PCYT1A: variants seen among roughly 807,000 people sequenced by gnomAD.
PCYT1A encodes the protein choline-phosphate cytidylyltransferase A.
In PCYT1A, 25 loss-of-function variants were observed where a neutral mutation model predicts 43.7. The ratio of observed to expected loss-of-function variants is 0.57; its 90% confidence interval spans 0.42 to 0.80. The LOEUF is 0.80. Among genes scored for constraint, PCYT1A ranks in the 30% least tolerant of loss-of-function variants. The pLI is 0.00. For synonymous variants in PCYT1A, 172 were observed against 170.7 expected, an observed-to-expected ratio of 1.01 and a Z score of -0.06; for missense variants, 421 against 474.2, an observed-to-expected ratio of 0.89 and a Z score of 1.04.
rs977169497 is a variant in PCYT1A, at chr3:196,237,063, G to C, written c.*1625C>G. The C allele has an allele frequency of 1.1e-4, 17 of 152,202 alleles. No individual in the cohort carries two copies. The highest frequency in any genetic ancestry group is 3.9e-4 in the African/African-American group (16 of 41,420). 9.4% of individuals were successfully genotyped at this position (152,202 alleles called of 1,614,324 possible). A position where few individuals can be genotyped will look rare whatever the true frequency, so the allele number is the denominator to read the frequency against. On this transcript the variant is annotated 3_prime_UTR_variant, in exon 9 of 9. Transcript: ENST00000431016. Reference sequence around the variant, plus strand: ...GCGGAAAACTAGGTGTTACCAGAAAGTGTTTAGGGAGTGGACTATGAGATG... The same window carrying C: ...GCGGAAAACTAGGTGTTACCAGAAACTGTTTAGGGAGTGGACTATGAGATG...
chr3:196,242,128 T>A lies in PCYT1A; in HGVS notation c.566-38A>T. The A allele has an allele frequency of 6.2e-7, 1 of 1,607,410 alleles. No homozygotes were observed. Among genetic ancestry groups the A allele is most frequent in the South Asian group, 1.1e-5 (1 of 90,948 alleles). On this transcript the variant is annotated intron_variant, in intron 6 of 8. Transcript: ENST00000431016. The surrounding 1 kb of genome is among the most constrained non-coding windows in gnomAD (Gnocchi z 4.2). ...CACATACAGACAAACACTGTGAGGT[T>A]CTGGTTAGCTCAGGTATTAAGACTA...
At chr3:196,270,656 G>A in intron 1 of PCYT1A, 115 bp from the exon 2 acceptor site, 1 of 771,072 alleles carries the variant, frequency 1.3e-6, no homozygotes, top group Non-Finnish European at 2.3e-6. Flanking sequence ...TTCTACAGCT[G>A]CACTTCACCA....
intron 3 of PCYT1A, among the ~76,000 whole-genome samples, chr3:196,253,125 G>A (rs561041222): frequency 6.6e-6 from 1 of 152,088 alleles, no homozygotes; most frequent in Admixed American, 6.6e-5. Flanking sequence ...ATCACCTGAG[G>A]TCAGCAGTTG....
At chr3:196,257,971 G>A in intron 2 of PCYT1A, 84 bp from the exon 3 acceptor site, 1 of 770,954 alleles carries the variant, frequency 1.3e-6, no homozygotes, top group Non-Finnish European at 2.2e-6. Context: ...ATGAGAGAAA[G>A]GAGATTGATC....
At chr3:196,281,029 A>G (rs1725754935) in intron 1 of PCYT1A, among the ~76,000 whole-genome samples, 1 of 152,086 alleles carries the variant, frequency 6.6e-6, no homozygotes, top group Admixed American at 6.6e-5. Context: ...TTTCCTTTGC[A>G]CTCTATTCCT....
rs944578487 is a variant in PCYT1A at position 196,234,831 on chromosome 3, C to T, written c.*3857G>A. 1.3e-5 allele frequency: 2 copies of T among 152,168 alleles called. No homozygotes were observed. Among genetic ancestry groups the T allele is most frequent in the Non-Finnish European group, 2.9e-5 (2 of 68,018 alleles). The allele number at this position is 152,168 out of a possible 1,614,324, so 9.4% of individuals were successfully genotyped here. A position where few individuals can be genotyped will look rare whatever the true frequency, so the allele number is the denominator to read the frequency against. ...ACTTATTTACTTGGAAAAATAGAAGCTAGGGACCACTCTTTATCCGATGGC... is the reference window on the plus strand; with the variant it reads ...ACTTATTTACTTGGAAAAATAGAAGTTAGGGACCACTCTTTATCCGATGGC... On this transcript the variant is annotated 3_prime_UTR_variant, in exon 9 of 9. Coordinates refer to ENST00000431016, the MANE Select transcript of PCYT1A (RefSeq NM_001312673.2).
In PCYT1A at chr3:196,268,255, T is replaced by A. The variant is rs1433562354; in HGVS notation, c.117+2160A>T. ...GTGATTGGCTGATTAGCTGACAGTATCACCTATTTGGTTATAACTTGTTCC... is the reference window on the plus strand; with the variant it reads ...GTGATTGGCTGATTAGCTGACAGTAACACCTATTTGGTTATAACTTGTTCC... On this transcript the variant is annotated intron_variant, in intron 2 of 8. Coordinates refer to ENST00000431016, the MANE Select transcript of PCYT1A (RefSeq NM_001312673.2). The surrounding 1 kb of genome is among the most constrained non-coding windows in gnomAD (Gnocchi z 4.4). Among the ~76,000 whole-genome samples, 1 of 152,204 alleles carries A rather than the reference T, an allele frequency of 6.6e-6. No homozygotes were observed. Among genetic ancestry groups the A allele is most frequent in the Non-Finnish European group, 1.5e-5 (1 of 68,034 alleles).
At chr3:196,253,384 A>G (rs1021146532) in intron 3 of PCYT1A, among the ~76,000 whole-genome samples, 2 of 151,678 alleles carry the variant, frequency 1.3e-5, no homozygotes, top group Non-Finnish European at 2.9e-5. Flanking sequence ...CCATGAAGTA[A>G]CTAACATAGT....
rs1027235545 is a variant in PCYT1A, at chr3:196,282,185, TG to T, written c.-11+5429del. Among the ~76,000 whole-genome samples, 2 of 152,236 alleles carry T rather than the reference TG, an allele frequency of 1.3e-5. No individual in the cohort carries two copies. Among genetic ancestry groups the T allele is most frequent in the African/African-American group, 4.8e-5 (2 of 41,460 alleles). On this transcript the variant is annotated intron_variant, in intron 1 of 8. Transcript: ENST00000431016. The surrounding 1 kb of genome is among the most constrained non-coding windows in gnomAD (Gnocchi z 4.3). ...AACAAACACTGAGCGGCACTTACTCTGTGCCAGACCCTGGGTTAGCCACTGG... is the reference window on the plus strand; with the variant it reads ...AACAAACACTGAGCGGCACTTACTCTTGCCAGACCCTGGGTTAGCCACTGG...
intron 2 of PCYT1A, 51 bp from the exon 3 acceptor site, chr3:196,257,938 C>T (rs1421461797): frequency 8.0e-6 from 8 of 996,656 alleles, no homozygotes; most frequent in African/African-American, 1.6e-5. Flanking sequence ...ATGGCATACA[C>T]TGTAATACTA....
chr3:196,247,466 C>G lies in PCYT1A; in HGVS notation c.387G>C (p.Glu129Asp). 6.2e-7 allele frequency: 1 copy of G among 1,614,218 alleles called. No homozygotes were observed. The highest frequency in any genetic ancestry group is 1.6e-4 in the Middle Eastern group (1 of 6,062). ...GCTGGACTGCGTCATAGCGCTCATT[C>G]TCGTTCATCACCGTGAAGCCTTTGA... ...HNFKGFTVMN[E>D]NERYDAVQHC... is the part of the protein sequence containing the mutation. The change falls in exon 5 of 9, where the codon GAG becomes GAC. Residue 129 changes from glutamate (E) to aspartate (D), a missense_variant. Coordinates refer to ENST00000431016, the MANE Select transcript of PCYT1A (RefSeq NM_001312673.2). This position sits in a 1 kb window ranked among gnomAD's most constrained non-coding sequence, Gnocchi z 4.8.
chr3:196,258,492 G>A (rs1344843554), intron 2 of PCYT1A, among the ~76,000 whole-genome samples: 1 of 151,762 alleles, frequency 6.6e-6, no homozygotes, highest in Non-Finnish European at 1.5e-5. Flanking sequence ...TTAATTATCA[G>A]TTCTAGTATC....
At chr3:196,275,940 AC>A (rs1725576333) in intron 1 of PCYT1A, among the ~76,000 whole-genome samples, 2 of 151,668 alleles carry the variant, frequency 1.3e-5, no homozygotes, top group African/African-American at 4.8e-5. Context: ...TACTAAAAAT[AC>A]AAAAAATTAG....
At chr3:196,280,565 T>C (rs1161000208) in intron 1 of PCYT1A, among the ~76,000 whole-genome samples, 1 of 131,942 alleles carries the variant, frequency 7.6e-6, no homozygotes, top group African/African-American at 2.9e-5. Context: ...ATTGGTATTT[T>C]TATTGTTTTT....
At chr3:196,266,421 C>T (rs1272834321) in intron 2 of PCYT1A, among the ~76,000 whole-genome samples, 3 of 151,604 alleles carry the variant, frequency 2.0e-5, no homozygotes, top group South Asian at 2.1e-4. Context: ...TGCAGTGAGC[C>T]GAGATCAGGC....
At chr3:196,272,710 C>CCT (rs1725469207) in intron 1 of PCYT1A, among the ~76,000 whole-genome samples, 1 of 152,212 alleles carries the variant, frequency 6.6e-6, no homozygotes, top group Non-Finnish European at 1.5e-5. Flanking sequence ...ATTAAAACCC[C>CCT]CTCAGGGATT....
chr3:196,278,004 C>T (rs572483153), intron 1 of PCYT1A, among the ~76,000 whole-genome samples: 1 of 152,234 alleles, frequency 6.6e-6, no homozygotes, highest in African/African-American at 2.4e-5. Context: ...CCAAAGCATA[C>T]AGAATAATAA....
intron 1 of PCYT1A, among the ~76,000 whole-genome samples, chr3:196,274,437 C>A (rs1451627975): frequency 1.3e-5 from 2 of 152,226 alleles, no homozygotes; most frequent in Admixed American, 6.5e-5. Context: ...GCTTTTCAGC[C>A]CCCTGCAGGG....
Position 196,252,853 on chromosome 3 carries a change from C to A in PCYT1A, c.218-4530G>T, listed in dbSNP as rs559036372. On this transcript the variant is annotated intron_variant, in intron 3 of 8. Coordinates refer to ENST00000431016, the MANE Select transcript of PCYT1A (RefSeq NM_001312673.2). The surrounding 1 kb of genome is among the most constrained non-coding windows in gnomAD (Gnocchi z 4.0). ...GACCAGCCTGGGCAACACAGTGAAACCCTATCTCTATTAAAATTATTTTTT... is the reference window on the plus strand; with the variant it reads ...GACCAGCCTGGGCAACACAGTGAAAACCTATCTCTATTAAAATTATTTTTT... Among the ~76,000 whole-genome samples, 5 of 151,904 alleles carry A rather than the reference C, an allele frequency of 3.3e-5. No homozygotes were observed. The South Asian group carries it at 1.0e-3, about 32-fold the overall frequency.
Sources: allele counts gnomAD v4.1 joint callset (sites outside exome capture counted in the v4.1 genomes callset), GRCh38; gene constraint gnomAD v4.1.1; non-coding constraint Gnocchi (gnomAD v3.1); transcripts MANE v1.5; gene names NCBI Gene and HGNC (gene_info 2026-07-23, HGNC 2026-07-21).